Variants in ADD2 observed in about 807,000 individuals in gnomAD.
ADD2 encodes the protein beta-adducin.
Under a neutral mutation model 83.0 loss-of-function variants are expected in ADD2, and 23 were observed. The observed-to-expected ratio is 0.28, with a 90% CI of 0.20 to 0.39. ADD2 has a LOEUF of 0.39. Ranked by LOEUF, ADD2 falls within the 10% of genes least tolerant of loss-of-function variation. The pLI is 1.00. For synonymous variants in ADD2, 375 were observed against 375.4 expected (o/e 1.00, Z 0.01); for missense variants, 758 against 944.9 (o/e 0.80, Z 2.59).
intron 8 of ADD2, 148 bp downstream of exon 8, chr2:70,690,638 G>T: frequency 1.1e-6 from 1 of 911,458 alleles, no homozygotes; most frequent in Non-Finnish European, 1.6e-6. Flanking sequence ...GGGGTACACA[G>T]CAAAATCTCA....
At chr2:70,691,087 A>G (rs1281022931) in intron 7 of ADD2, among the ~76,000 whole-genome samples, 158 bp from the exon 8 acceptor site, 7 of 152,156 alleles carry the variant, frequency 4.6e-5, no homozygotes, top group Non-Finnish European at 8.8e-5. Context: ...GGGCTCCTCT[A>G]CCACCTGGCT....
chr2:70,667,410 G>T (rs1371364534), intron 15 of ADD2, among the ~76,000 whole-genome samples: 3 of 152,112 alleles, frequency 2.0e-5, no homozygotes, highest in African/African-American at 7.2e-5. Flanking sequence ...GAGGAGGGGG[G>T]CTTCTGTGGG....
intron 1 of ADD2, among the ~76,000 whole-genome samples, chr2:70,750,448 G>A (rs1674453451): frequency 1.3e-5 from 2 of 152,140 alleles, no homozygotes; most frequent in Non-Finnish European, 2.9e-5. Context: ...GATTAGGGTA[G>A]GTCCTAAATC....
intron 1 of ADD2, among the ~76,000 whole-genome samples, chr2:70,716,920 C>T (rs1460426435): frequency 1.3e-5 from 2 of 152,194 alleles, no homozygotes; most frequent in Non-Finnish European, 2.9e-5. Flanking sequence ...CTTACATTAA[C>T]AAATCCGACA....
chr2:70,691,102 C>T lies in ADD2; in HGVS notation c.706-173G>A, dbSNP rs117822367. ...GGGCTCCTCTACCACCTGGCTTGGG[C>T]GTTGTGTCACGCTGCTTGCTCTAGT... On this transcript the variant is annotated intron_variant, in intron 7 of 15. Transcript: ENST00000264436. 1.1e-4 allele frequency among the ~76,000 whole-genome samples: 16 copies of T among 152,294 alleles called. No homozygotes were observed. The East Asian group carries it at 2.7e-3, about 26-fold the overall frequency.
intron 4 of ADD2, among the ~76,000 whole-genome samples, chr2:70,701,406 A>T (rs1671573179): frequency 6.6e-6 from 1 of 152,188 alleles, no homozygotes; most frequent in South Asian, 2.1e-4. Context: ...ACGATAAAAA[A>T]TAATTGTCTC....
intron 13 of ADD2, chr2:70,675,140 G>A (rs1212351624): frequency 9.5e-7 from 1 of 1,054,512 alleles, no homozygotes; most frequent in Admixed American, 5.1e-5. Context: ...ACACTTCCAA[G>A]CCATCACTAT....
intron 4 of ADD2, among the ~76,000 whole-genome samples, chr2:70,703,210 AAGAAAGAGAAAGAG>A (rs1283206457): frequency 7.2e-5 from 11 of 152,210 alleles, no homozygotes; most frequent in African/African-American, 1.2e-4. Context: ...AAGAAAACGA[AAGAAAGAGAAAGAG>A]AGAAAGAGAA....
intron 1 of ADD2, among the ~76,000 whole-genome samples, chr2:70,753,723 A>T (rs1574325589): frequency 6.6e-6 from 1 of 152,186 alleles, no homozygotes; most frequent in South Asian, 2.1e-4. Context: ...TGAATTCGTC[A>T]TTCTGGAAAG....
At chr2:70,704,263 T>TGGCCCCCCCCCCCCACCCCCC in intron 4 of ADD2, 58 bp downstream of exon 4, 1 of 913,238 alleles carries the variant, frequency 1.1e-6, no homozygotes, top group Non-Finnish European at 1.7e-6. Flanking sequence ...CTCCCTCTCT[T>TGGCCCCCCCCCCCCACCCCCC]CCCCACCCCA....
intron 1 of ADD2, among the ~76,000 whole-genome samples, chr2:70,718,871 G>C (rs1448635812): frequency 6.6e-6 from 1 of 152,290 alleles, no homozygotes; most frequent in South Asian, 2.1e-4. Flanking sequence ...CCAGGGGCCT[G>C]GTAGGAGGTG....
rs1420929380 is a variant in ADD2 at position 70,659,237 on chromosome 2, C to A, written c.*4188G>T. 1 of 151,230 alleles carries A rather than the reference C, an allele frequency of 6.6e-6. No individual in the cohort carries two copies. Among genetic ancestry groups the A allele is most frequent in the Non-Finnish European group, 1.5e-5 (1 of 67,932 alleles). The allele number at this position is 151,230 out of a possible 1,614,324, so 9.4% of individuals were successfully genotyped here. ...AGGCTGTGTGTTTACCCTCCACATA[C>A]CTTCATGGAAAAATTGAAAATTATT... is the stretch of plus-strand genomic sequence containing the variant. On this transcript the variant is annotated 3_prime_UTR_variant, in exon 16 of 16. Coordinates refer to ENST00000264436, the MANE Select transcript of ADD2 (RefSeq NM_001617.4).
In ADD2 at chr2:70,676,981, TC is replaced by T; in HGVS notation, c.1504-97del. The T allele has an allele frequency of 6.6e-7, 1 of 1,523,614 alleles. No homozygotes were observed. The highest frequency in any genetic ancestry group is 8.8e-7 in the Non-Finnish European group (1 of 1,131,846). 94.4% of individuals were successfully genotyped at this position (1,523,614 alleles called of 1,614,324 possible). A position where few individuals can be genotyped will look rare whatever the true frequency, so the allele number is the denominator to read the frequency against. On this transcript the variant is annotated intron_variant, in intron 12 of 15. Transcript: ENST00000264436. The surrounding 1 kb of genome is among the most constrained non-coding windows in gnomAD (Gnocchi z 4.8). ...CGGGTGTGCCTGGGGTCTAGAAAGG[TC>T]CTCTAGCGGTGTGGGAGCCCGTCAC...
At chr2:70,754,633 C>T (rs530822567) in intron 1 of ADD2, among the ~76,000 whole-genome samples, 1 of 152,200 alleles carries the variant, frequency 6.6e-6, no homozygotes, top group South Asian at 2.1e-4. Flanking sequence ...TCATTCCTGC[C>T]GACGTTGACA....
At chr2:70,730,114 T>C (rs1673206118) in intron 1 of ADD2, among the ~76,000 whole-genome samples, 1 of 152,162 alleles carries the variant, frequency 6.6e-6, no homozygotes, top group African/African-American at 2.4e-5. Flanking sequence ...CCACAGGCAA[T>C]AGTTACCATT....
intron 1 of ADD2, among the ~76,000 whole-genome samples, chr2:70,736,152 A>G (rs1553380127): frequency 6.6e-6 from 1 of 152,026 alleles, no homozygotes; most frequent in Non-Finnish European, 1.5e-5. Flanking sequence ...GCTGAGAACA[A>G]TCAGATAGAG....
At chr2:70,674,611 G>C in intron 14 of ADD2, 67 bp downstream of exon 14, 2 of 1,506,666 alleles carry the variant, frequency 1.3e-6, no homozygotes, top group Non-Finnish European at 1.8e-6. Context: ...TCCTCTCTTG[G>C]TAGTCCTGAG....
At chr2:70,702,752 T>A (rs1158292620) in intron 4 of ADD2, among the ~76,000 whole-genome samples, 1 of 151,876 alleles carries the variant, frequency 6.6e-6, no homozygotes, top group Non-Finnish European at 1.5e-5. Flanking sequence ...AGCTTTACTT[T>A]ATAAAAATGT....
chr2:70,753,487 T>C (rs1674618166), intron 1 of ADD2, among the ~76,000 whole-genome samples: 1 of 151,480 alleles, frequency 6.6e-6, no homozygotes, highest in Admixed American at 6.6e-5. Context: ...GTGGTGTTTT[T>C]GAGATGGTGA....
Sources: gnomAD v4.1 joint callset for allele counts (sites outside exome capture counted in the v4.1 genomes callset) on GRCh38, gnomAD v4.1.1 for gene constraint, Gnocchi (gnomAD v3.1) non-coding constraint, MANE v1.5 for transcripts, NCBI Gene and HGNC (gene_info 2026-07-23, HGNC 2026-07-21) for gene names.